The following OMA1 variants were observed in gnomAD, a reference collection of about 807,000 sequenced individuals.
OMA1 encodes OMA1 zinc metallopeptidase.
Under a neutral mutation model 30.9 loss-of-function variants are expected in OMA1, and 38 were observed. That is an observed-to-expected ratio of 1.23 (90% confidence interval 0.95 to 1.61). The LOEUF (loss-of-function observed/expected upper bound fraction) is 1.61. Ranked by LOEUF, OMA1 falls within the 40% of genes most tolerant of loss-of-function variation. The pLI, the probability that OMA1 is intolerant of heterozygous loss-of-function variation, is 0.00. For missense variants in OMA1, 461 were observed against 349.2 expected, an observed-to-expected ratio of 1.32 and a Z score of -2.55; for synonymous variants, 173 against 121.9, an observed-to-expected ratio of 1.42 and a Z score of -2.76.
At chr1:58,512,511 C>T (rs943026738) in intron 7 of OMA1, among the ~76,000 whole-genome samples, 9 of 152,030 alleles carry the variant, frequency 5.9e-5, no homozygotes, top group Admixed American at 1.3e-4. Flanking sequence ...TGTTCATCAG[C>T]GAATGAACAG....
At chr1:58,518,599 T>C (rs1646210279) in intron 7 of OMA1, among the ~76,000 whole-genome samples, 1 of 151,556 alleles carries the variant, frequency 6.6e-6, no homozygotes, top group African/African-American at 2.4e-5. Flanking sequence ...GTGAAAAAAT[T>C]AAGAGTAAAT....
intron 7 of OMA1, 74 bp downstream of exon 7, chr1:58,527,187 C>A: frequency 1.2e-6 from 1 of 816,306 alleles, no homozygotes; most frequent in Non-Finnish European, 2.2e-6. Context: ...TATGCCAAGC[C>A]TCATTAAAAT....
intron 8 of OMA1, among the ~76,000 whole-genome samples, chr1:58,481,675 A>T (rs1316121389): frequency 6.6e-6 from 1 of 150,708 alleles, no homozygotes; most frequent in Admixed American, 6.8e-5. Context: ...CTCATCTTGA[A>T]TTGCAGTTCC....
At chr1:58,512,820 T>C (rs776337004) in intron 7 of OMA1, among the ~76,000 whole-genome samples, 6 of 152,148 alleles carry the variant, frequency 3.9e-5, no homozygotes, top group Non-Finnish European at 1.5e-5. Flanking sequence ...GATCTAGAGA[T>C]CTGATATACA....
At chr1:58,481,388 AAAC>A (rs1409815772) in intron 8 of OMA1, among the ~76,000 whole-genome samples, 1 of 152,182 alleles carries the variant, frequency 6.6e-6, no homozygotes, top group East Asian at 1.9e-4. Context: ...ATTATTTTAA[AAAC>A]AACAACAATA....
At chr1:58,540,265 C>A (rs1249646059) in intron 1 of OMA1, among the ~76,000 whole-genome samples, 1 of 146,786 alleles carries the variant, frequency 6.8e-6, no homozygotes, top group Non-Finnish European at 1.5e-5. Context: ...TGCTTCCAAG[C>A]AACAACTGCA....
chr1:58,545,609 G>GA (rs1234176472), intron 1 of OMA1, among the ~76,000 whole-genome samples: 1 of 152,158 alleles, frequency 6.6e-6, no homozygotes, highest in Non-Finnish European at 1.5e-5. Flanking sequence ...AATGATGTGA[G>GA]AAAATTAAAC....
chr1:58,543,617 A>C (rs144082280), intron 1 of OMA1, among the ~76,000 whole-genome samples: 43 of 152,312 alleles, frequency 2.8e-4, no homozygotes, highest in African/African-American at 9.6e-4. Flanking sequence ...TGGCAACAGA[A>C]TCCTACCCCG....
At chr1:58,508,224 T>C (rs952544715) in intron 7 of OMA1, among the ~76,000 whole-genome samples, 1 of 152,228 alleles carries the variant, frequency 6.6e-6, no homozygotes, top group Non-Finnish European at 1.5e-5. Context: ...AGTTTGTCTG[T>C]ACTTCTCAAA....
At chr1:58,539,898 G>A (rs1646577915) in intron 1 of OMA1, among the ~76,000 whole-genome samples, 1 of 152,152 alleles carries the variant, frequency 6.6e-6, no homozygotes, top group Non-Finnish European at 1.5e-5. Context: ...GGTTGCTAGA[G>A]CTCACAGGAC....
Position 58,526,135 on chromosome 1 carries a change from T to C in OMA1, c.1215+1126A>G, listed in dbSNP as rs575323306. 3.9e-5 allele frequency among the ~76,000 whole-genome samples: 6 copies of C among 152,156 alleles called. No individual in the cohort carries two copies. In the South Asian group the frequency reaches 8.3e-4, roughly 21 times the overall value. On this transcript the variant is annotated intron_variant, in intron 7 of 8. Coordinates refer to ENST00000371226, the MANE Select transcript of OMA1 (RefSeq NM_145243.5). The stretch of plus-strand genomic sequence containing the variant: ...CAGAACACAGAACACACTTAACATA[T>C]AGGGAAAATCTGACAGACTGGAGTA...
chr1:58,520,388 C>A (rs770217107), intron 7 of OMA1, among the ~76,000 whole-genome samples: 1 of 152,094 alleles, frequency 6.6e-6, no homozygotes, highest in Non-Finnish European at 1.5e-5. Flanking sequence ...AACTTCCTTG[C>A]CCAATTTGAA....
At chr1:58,520,236 T>C (rs537589428) in intron 7 of OMA1, among the ~76,000 whole-genome samples, 49 of 152,194 alleles carry the variant, frequency 3.2e-4, no homozygotes, top group African/African-American at 1.2e-3. Flanking sequence ...ACGTGTACCC[T>C]GGAACCTAAA....
intron 1 of OMA1, among the ~76,000 whole-genome samples, chr1:58,544,349 C>G (rs998328441): frequency 5.3e-5 from 8 of 151,992 alleles, no homozygotes; most frequent in African/African-American, 1.9e-4. Flanking sequence ...GAGAACAAAA[C>G]AGATTTTAAA....
At chr1:58,488,363 C>CAGTG (rs961996805) in intron 8 of OMA1, among the ~76,000 whole-genome samples, 2 of 152,114 alleles carry the variant, frequency 1.3e-5, no homozygotes, top group Non-Finnish European at 2.9e-5. Flanking sequence ...GGGGAACAGG[C>CAGTG]AGTGTTCAGT....
In OMA1 at chr1:58,508,595, T is replaced by C. The variant is rs574956098; in HGVS notation, c.1216-2386A>G. Among the ~76,000 whole-genome samples, 15 of 152,228 alleles carry C rather than the reference T, an allele frequency of 9.9e-5. No homozygotes were observed. In the South Asian group the frequency reaches 2.7e-3, roughly 27 times the overall value. ...AACACCTGCAGCTCCCCACCACTCCTTGGGGAAGGAAAAACTTGGCTTGTG... is the reference window on the plus strand; with the variant it reads ...AACACCTGCAGCTCCCCACCACTCCCTGGGGAAGGAAAAACTTGGCTTGTG... On this transcript the variant is annotated intron_variant, in intron 7 of 8. Coordinates refer to ENST00000371226, the MANE Select transcript of OMA1 (RefSeq NM_145243.5).
rs1301663076 is a variant in OMA1 at position 58,538,864 on chromosome 1, G to C, written c.431C>G (p.Ala144Gly). Residue 144 changes from alanine (A) to glycine (G), a missense_variant, in exon 2 of 9, where the codon GCT becomes GGT. Coordinates refer to ENST00000371226, the MANE Select transcript of OMA1 (RefSeq NM_145243.5). ...CATCAACAAGAGAGGAACCGGAGCA[G>C]CTTGAAACCGTGGAGAAGTATGGAA... ...RNFHTSPRFQ[A>G]APVPLLLMIL... is the part of the protein sequence containing the mutation. 1.1e-6 allele frequency: 1 copy of C among 872,588 alleles called. No individual in the cohort carries two copies. Among genetic ancestry groups the C allele is most frequent in the Non-Finnish European group, 2.0e-6 (1 of 501,542 alleles). 54.1% of individuals were successfully genotyped at this position (872,588 alleles called of 1,614,324 possible).
At chr1:58,519,653 CGAT>C (rs1646229986) in intron 7 of OMA1, among the ~76,000 whole-genome samples, 1 of 152,064 alleles carries the variant, frequency 6.6e-6, no homozygotes, top group African/African-American at 2.4e-5. Flanking sequence ...AAATAAGCAA[CGAT>C]GCCAACAAAC....
At chr1:58,499,509 A>AATAG (rs1553122699) in intron 8 of OMA1, among the ~76,000 whole-genome samples, 2 of 42,856 alleles carry the variant, frequency 4.7e-5, no homozygotes, top group South Asian at 7.0e-4. Context: ...TAGATAGATA[A>AATAG]ATAGATAGAT....
Sources: allele counts gnomAD v4.1 joint callset (sites outside exome capture counted in the v4.1 genomes callset), GRCh38; gene constraint gnomAD v4.1.1; transcripts MANE v1.5; gene names NCBI Gene and HGNC (gene_info 2026-07-23, HGNC 2026-07-21).